Variants in UBL3 observed in about 807,000 individuals in gnomAD.
UBL3 encodes ubiquitin-like protein 3.
Under a neutral mutation model 18.4 loss-of-function variants are expected in UBL3, and 6 were observed. That is an observed-to-expected ratio of 0.33 (90% CI 0.18 to 0.64). UBL3 has a LOEUF of 0.64. Among genes scored for constraint, UBL3 ranks in the 30% least tolerant of loss-of-function variants. The pLI is 0.76. For missense variants in UBL3, 109 were observed against 142.9 expected, an observed-to-expected ratio of 0.76 and a Z score of 1.21; for synonymous variants, 49 against 46.6, an observed-to-expected ratio of 1.05 and a Z score of -0.21.
At chr13:29,845,310 ATATAT>A (rs200254972) in intron 1 of UBL3, among the ~76,000 whole-genome samples, 1,540 of 152,232 alleles carry the variant, frequency 0.01, 25 homozygotes, top group African/African-American at 0.035. Context: ...TCAATTCTTA[ATATAT>A]TATTTATTAA....
intron 1 of UBL3, among the ~76,000 whole-genome samples, chr13:29,818,366 A>G (rs1022196134): frequency 6.6e-6 from 1 of 152,196 alleles, no homozygotes; most frequent in Non-Finnish European, 1.5e-5. Flanking sequence ...ACTTAACATC[A>G]ATTATTTAAA....
chr13:29,845,546 T>A (rs1879209764), intron 1 of UBL3, among the ~76,000 whole-genome samples: 1 of 152,080 alleles, frequency 6.6e-6, no homozygotes, highest in Admixed American at 6.5e-5. Context: ...ATATTCAACA[T>A]ATGTCATTTT....
chr13:29,828,212 T>G (rs1435662197), intron 1 of UBL3, among the ~76,000 whole-genome samples: 1 of 152,180 alleles, frequency 6.6e-6, no homozygotes, highest in African/African-American at 2.4e-5. Context: ...TTTCCTGAAT[T>G]TGAATGTTGG....
chr13:29,824,803 C>A (rs370382450), intron 1 of UBL3, among the ~76,000 whole-genome samples: 2 of 152,070 alleles, frequency 1.3e-5, no homozygotes, highest in African/African-American at 2.4e-5. Flanking sequence ...CTGAATGGTA[C>A]TGCCTAGGTT....
At chr13:29,787,461 G>A (rs1347403308) in intron 1 of UBL3, among the ~76,000 whole-genome samples, 2 of 152,292 alleles carry the variant, frequency 1.3e-5, no homozygotes, top group African/African-American at 4.8e-5. Context: ...CTGACAGTAT[G>A]TTTTATTGAG....
intron 1 of UBL3, among the ~76,000 whole-genome samples, chr13:29,800,928 G>C (rs1381921470): frequency 2.0e-5 from 3 of 152,168 alleles, no homozygotes; most frequent in Non-Finnish European, 4.4e-5. Flanking sequence ...CGGTGCAGCA[G>C]CCTTATGGAA....
intron 1 of UBL3, among the ~76,000 whole-genome samples, chr13:29,781,123 C>T (rs1255812767): frequency 6.6e-6 from 1 of 151,530 alleles, no homozygotes; most frequent in East Asian, 1.9e-4. Context: ...TGCAGTGAGC[C>T]GAGATCACAC....
intron 1 of UBL3, among the ~76,000 whole-genome samples, chr13:29,847,991 G>A (rs1879270495): frequency 6.6e-6 from 1 of 152,092 alleles, no homozygotes; most frequent in Admixed American, 6.5e-5. Context: ...CACCCCCAGA[G>A]ACAGAACACT....
In UBL3 at chr13:29,777,252, G is replaced by A. The variant is rs776757478; in HGVS notation, c.39C>T (p.Arg13=). 6.2e-7 allele frequency: 1 copy of A among 1,605,082 alleles called. No individual in the cohort carries two copies. The highest frequency in any genetic ancestry group is 1.3e-5 in the African/African-American group (1 of 74,616). ...SNVPADMINL[R]LILVSGKTKE... is the part of the protein sequence containing the mutation. Reference sequence around the variant, plus strand: ...TTGTTTTTCCGCTTACCAAAATGAGGCGCAAATTTATCTGAAAGAAGACAA... The same window carrying A: ...TTGTTTTTCCGCTTACCAAAATGAGACGCAAATTTATCTGAAAGAAGACAA... The change falls in exon 2 of 5, where the codon CGC becomes CGT. Residue 13 remains arginine (R), a synonymous_variant. Coordinates refer to ENST00000380680, the MANE Select transcript of UBL3 (RefSeq NM_007106.4).
intron 1 of UBL3, among the ~76,000 whole-genome samples, chr13:29,836,438 A>G (rs1208273420): frequency 1.3e-5 from 2 of 152,120 alleles, no homozygotes; most frequent in African/African-American, 2.4e-5. Flanking sequence ...GAGAACAGCA[A>G]TATCAGACCA....
chr13:29,828,716 C>T (rs903144110), intron 1 of UBL3, among the ~76,000 whole-genome samples: 3 of 152,206 alleles, frequency 2.0e-5, no homozygotes, highest in Non-Finnish European at 2.9e-5. Context: ...CCCTTGCTGG[C>T]GAGGAGCTGC....
At chr13:29,821,469 AC>A (rs1248740740) in intron 1 of UBL3, among the ~76,000 whole-genome samples, 4 of 152,200 alleles carry the variant, frequency 2.6e-5, no homozygotes, top group Non-Finnish European at 4.4e-5. Flanking sequence ...CAGATGTAAT[AC>A]CTTTTGCAGA....
chr13:29,810,374 T>C (rs1248418655), intron 1 of UBL3, among the ~76,000 whole-genome samples: 1 of 152,084 alleles, frequency 6.6e-6, no homozygotes, highest in Non-Finnish European at 1.5e-5. Flanking sequence ...GAGCACAGAC[T>C]GAGCTCTGAA....
At chr13:29,776,403 CA>C (rs752231855) in intron 2 of UBL3, among the ~76,000 whole-genome samples, 2 of 151,486 alleles carry the variant, frequency 1.3e-5, no homozygotes, top group African/African-American at 2.4e-5. Flanking sequence ...GCTGGGACTA[CA>C]GGCATGTGCT....
At chr13:29,778,866 T>C (rs1877070081) in intron 1 of UBL3, among the ~76,000 whole-genome samples, 1 of 152,232 alleles carries the variant, frequency 6.6e-6, no homozygotes, top group African/African-American at 2.4e-5. Flanking sequence ...GGAGTGGAAG[T>C]AGATTTCATA....
At chr13:29,827,444 T>C (rs1050390798) in intron 1 of UBL3, among the ~76,000 whole-genome samples, 1 of 152,248 alleles carries the variant, frequency 6.6e-6, no homozygotes, top group Admixed American at 6.5e-5. Context: ...GTAACGGCCT[T>C]GTCTCTTTTG....
chr13:29,770,363 C>G (rs149860770), intron 3 of UBL3, among the ~76,000 whole-genome samples: 5 of 152,130 alleles, frequency 3.3e-5, no homozygotes, highest in African/African-American at 1.2e-4. Context: ...AAAAGAAGGA[C>G]AGCAACACAG....
In UBL3 at chr13:29,767,684, G is replaced by T; in HGVS notation, c.235C>A (p.Pro79Thr). The change falls in exon 4 of 5, where the codon CCT (proline) becomes ACT (threonine). Residue 79 changes from proline to threonine, a missense_variant. Coordinates refer to ENST00000380680, the MANE Select transcript of UBL3 (RefSeq NM_007106.4). Reference sequence around the variant, plus strand: ...TGCATCACTGTTGTTTTGCCAAAAGGAAGTTTTAATGCTATGTGAAAAGCA... The same window carrying T: ...TGCATCACTGTTGTTTTGCCAAAAGTAAGTTTTAATGCTATGTGAAAAGCA... ...GNVTLGALKL[P>T]FGKTTVMHLV... The T allele has an allele frequency of 6.2e-7, 1 of 1,612,746 alleles. No individual in the cohort carries two copies. The highest frequency in any genetic ancestry group is 1.1e-5 in the South Asian group (1 of 91,030).
intron 1 of UBL3, among the ~76,000 whole-genome samples, chr13:29,784,253 T>C (rs1877250296): frequency 6.6e-6 from 1 of 152,140 alleles, no homozygotes; most frequent in African/African-American, 2.4e-5. Context: ...GGATGGAAGA[T>C]GGAACTGACT....
Sources: gnomAD v4.1 joint callset for allele counts (sites outside exome capture counted in the v4.1 genomes callset) on GRCh38, gnomAD v4.1.1 for gene constraint, MANE v1.5 for transcripts, NCBI Gene and HGNC (gene_info 2026-07-23, HGNC 2026-07-21) for gene names.